Variants in TSHZ3 observed in about 807,000 individuals in gnomAD.
TSHZ3 encodes teashirt homolog 3.
A neutral mutation model predicts 64.5 loss-of-function variants in TSHZ3; 10 were observed. That is an observed-to-expected ratio of 0.16 (90% CI 0.10 to 0.26). The LOEUF (loss-of-function observed/expected upper bound fraction) is 0.26. Among genes scored for constraint, TSHZ3 ranks in the 10% least tolerant of loss-of-function variants. The pLI, the probability that TSHZ3 is intolerant of heterozygous loss-of-function variation, is 1.00. For missense variants in TSHZ3, 1,242 were observed against 1,421.7 expected (o/e 0.87, Z 2.03); for synonymous variants, 608 against 593.1 (o/e 1.03, Z -0.36).
intron 4 of TSHZ3, chr19:31,207,365 T>G (rs997621417): frequency 1.3e-4 from 20 of 152,240 alleles, no homozygotes; most frequent in Non-Finnish European, 7.3e-5. Context: ...CATACCTGCT[T>G]GATTTTTTAT....
At chr19:31,154,433 C>T (rs1204291594) in intron 6 of TSHZ3, among the ~76,000 whole-genome samples, 3 of 152,178 alleles carry the variant, frequency 2.0e-5, no homozygotes, top group Admixed American at 2.0e-4. Context: ...GACATCTGTC[C>T]TTCATTCCTC....
intron 1 of TSHZ3, among the ~76,000 whole-genome samples, chr19:31,305,125 A>G (rs1336140277): frequency 6.6e-6 from 1 of 152,140 alleles, no homozygotes; most frequent in African/African-American, 2.4e-5. Context: ...ATAAGCTTGT[A>G]AAAAAATACG....
At position 31,276,408 on chromosome 19, in the gene TSHZ3, C is replaced by T. The variant is rs1976232632; in HGVS notation, c.*139G>A. Reference sequence around the variant, plus strand: ...CTCTATTAAACACTGTACAGTTATACAAAACAGTCCAGCCCAGAGTGATTC... The same window carrying T: ...CTCTATTAAACACTGTACAGTTATATAAAACAGTCCAGCCCAGAGTGATTC... On this transcript the variant is annotated 3_prime_UTR_variant, in exon 2 of 2. Coordinates refer to ENST00000240587, the MANE Select transcript of TSHZ3 (RefSeq NM_020856.4). 1 of 815,026 alleles carries T rather than the reference C, an allele frequency of 1.2e-6. No individual in the cohort carries two copies. Among genetic ancestry groups the T allele is most frequent in the Admixed American group, 2.7e-5 (1 of 37,428 alleles). 50.5% of individuals were successfully genotyped at this position (815,026 alleles called of 1,614,324 possible).
In TSHZ3 at chr19:31,204,662, G is replaced by A. The variant is rs555699377; in HGVS notation, n.809+294C>T. The A allele has an allele frequency of 3.3e-5, 5 of 152,262 alleles. No individual in the cohort carries two copies. The East Asian group carries it at 9.6e-4, about 29-fold the overall frequency. 9.4% of individuals were successfully genotyped at this position (152,262 alleles called of 1,614,324 possible). On this transcript the variant is annotated intron_variant and non_coding_transcript_variant, in intron 5 of 6. Coordinates refer to the TSHZ3 transcript ENST00000651361. ...CTGACAATGCTATAGGCATTGCTTT[G>A]TTTGCTAGTGCAAAGGATCATTTTT...
intron 1 of TSHZ3, among the ~76,000 whole-genome samples, chr19:31,255,838 C>A (rs7254074): frequency 0.04 from 6,031 of 152,270 alleles, 404 homozygotes; most frequent in African/African-American, 0.14. Context: ...CCCCCTTACT[C>A]AGTGCCAATC....
At chr19:31,213,553 A>G (rs888677845) in intron 4 of TSHZ3, among the ~76,000 whole-genome samples, 1 of 151,978 alleles carries the variant, frequency 6.6e-6, no homozygotes, top group Non-Finnish European at 1.5e-5. Context: ...ACACTGACAT[A>G]GCTATGTACT....
chr19:31,244,982 G>T (rs1311737717), intron 1 of TSHZ3, among the ~76,000 whole-genome samples: 1 of 152,136 alleles, frequency 6.6e-6, no homozygotes, highest in African/African-American at 2.4e-5. Flanking sequence ...ATTGGAAAAT[G>T]CTTACAATAT....
intron 1 of TSHZ3, among the ~76,000 whole-genome samples, chr19:31,297,908 A>G (rs910121685): frequency 6.6e-6 from 1 of 152,182 alleles, no homozygotes; most frequent in Non-Finnish European, 1.5e-5. Context: ...TCACAGGTCC[A>G]GTGGTTATGC....
intron 5 of TSHZ3, among the ~76,000 whole-genome samples, chr19:31,190,662 G>T (rs1974890883): frequency 6.6e-6 from 1 of 151,916 alleles, no homozygotes; most frequent in Admixed American, 6.6e-5. Context: ...CACTAGATAT[G>T]CAAAGAAAGA....
intron 5 of TSHZ3, among the ~76,000 whole-genome samples, chr19:31,174,140 G>A (rs532412997): frequency 7.9e-5 from 12 of 152,344 alleles, no homozygotes; most frequent in African/African-American, 2.4e-4. Context: ...CCCCAGACAT[G>A]CAGTCAGCAA....
intron 3 of TSHZ3, among the ~76,000 whole-genome samples, chr19:31,241,798 T>C (rs1490103073): frequency 6.6e-6 from 1 of 152,246 alleles, no homozygotes; most frequent in Non-Finnish European, 1.5e-5. Context: ...TTCCCTTCTC[T>C]CTGAAATCAC....
intron 3 of TSHZ3, among the ~76,000 whole-genome samples, chr19:31,240,866 G>C (rs1197678240): frequency 6.6e-6 from 1 of 151,872 alleles, no homozygotes; most frequent in African/African-American, 2.4e-5. Flanking sequence ...CCATTCGGTT[G>C]ATTTTTTGTA....
At chr19:31,178,119 GCT>G (rs1974641565) in intron 5 of TSHZ3, among the ~76,000 whole-genome samples, 1 of 152,190 alleles carries the variant, frequency 6.6e-6, no homozygotes, top group Non-Finnish European at 1.5e-5. Flanking sequence ...AAGATACTTA[GCT>G]CAGGGTTAGC....
intron 1 of TSHZ3, among the ~76,000 whole-genome samples, chr19:31,333,348 C>T (rs929631090): frequency 2.0e-5 from 3 of 152,010 alleles, no homozygotes; most frequent in African/African-American, 7.2e-5. Context: ...AAATCAGCTC[C>T]ATTCCCCCTG....
intron 5 of TSHZ3, among the ~76,000 whole-genome samples, chr19:31,196,383 G>A (rs1974994191): frequency 6.6e-6 from 1 of 151,872 alleles, no homozygotes; most frequent in South Asian, 2.1e-4. Context: ...AATCACAAAT[G>A]GCATAAAAAG....
intron 1 of TSHZ3, among the ~76,000 whole-genome samples, chr19:31,267,455 A>G (rs1292996331): frequency 1.3e-5 from 2 of 151,710 alleles, no homozygotes; most frequent in Non-Finnish European, 2.9e-5. Flanking sequence ...AGCGCCCTCA[A>G]TCCCCCACCA....
intron 4 of TSHZ3, among the ~76,000 whole-genome samples, chr19:31,216,948 G>A (rs1395517377): frequency 4.6e-5 from 7 of 150,764 alleles, no homozygotes; most frequent in African/African-American, 1.2e-4. Context: ...GAGCCACCGC[G>A]CCTGACCAAT....
Position 31,341,073 on chromosome 19 carries a change from C to T in TSHZ3, c.40+8107G>A, listed in dbSNP as rs151267587. Among the ~76,000 whole-genome samples the T allele has an allele frequency of 3.0e-3, 452 of 152,320 alleles. 4 individuals are homozygous for T. Among genetic ancestry groups the T allele is most frequent in the African/African-American group, 0.01 (421 of 41,576 alleles). ...AATACAATATAGATGGGGGAAGGCACGTGGAAACTGCCAAGCTGACCCTGA... is the reference window on the plus strand; with the variant it reads ...AATACAATATAGATGGGGGAAGGCATGTGGAAACTGCCAAGCTGACCCTGA... On this transcript the variant is annotated intron_variant, in intron 1 of 1. Transcript: ENST00000240587.
intron 5 of TSHZ3, among the ~76,000 whole-genome samples, chr19:31,164,068 G>A (rs1974408646): frequency 6.6e-6 from 1 of 152,168 alleles, no homozygotes; most frequent in African/African-American, 2.4e-5. Context: ...CACGTGAGCG[G>A]CTGGCTCCAG....
Sources: allele counts gnomAD v4.1 joint callset (sites outside exome capture counted in the v4.1 genomes callset), GRCh38; gene constraint gnomAD v4.1.1; transcripts MANE v1.5; gene names NCBI Gene and HGNC (gene_info 2026-07-23, HGNC 2026-07-21).